Variants in KCNMA1 observed in about 807,000 individuals in gnomAD.
The protein encoded by KCNMA1 is potassium calcium-activated channel subfamily M alpha 1, also known as Calcium-activated potassium channel subunit alpha-1.
A neutral mutation model predicts 140.0 loss-of-function variants in KCNMA1; 29 were observed. The observed-to-expected ratio is 0.21, with a 90% confidence interval of 0.15 to 0.28. KCNMA1 has a LOEUF of 0.28. Among genes scored for constraint, KCNMA1 ranks in the 10% least tolerant of loss-of-function variants. The pLI, the probability that KCNMA1 is intolerant of heterozygous loss-of-function variation, is 1.00. For synonymous variants in KCNMA1, 612 were observed against 611.9 expected (o/e 1.00, Z 0.00); for missense variants, 880 against 1,602.2 (o/e 0.55, Z 7.70).
chr10:77,568,631 C>G (rs966898299), intron 1 of KCNMA1, among the ~76,000 whole-genome samples: 3 of 149,986 alleles, frequency 2.0e-5, no homozygotes, highest in African/African-American at 7.4e-5. Context: ...CAATATCATA[C>G]TGAATGGGCA....
intron 2 of KCNMA1, among the ~76,000 whole-genome samples, chr10:77,293,120 G>C (rs2073863276): frequency 6.6e-6 from 1 of 152,196 alleles, no homozygotes; most frequent in South Asian, 2.1e-4. Flanking sequence ...AGAAGCCAAT[G>C]TGGCCAATGC....
chr10:77,200,123 G>C (rs11002076), intron 3 of KCNMA1, among the ~76,000 whole-genome samples: 1 of 151,952 alleles, frequency 6.6e-6, no homozygotes, highest in Non-Finnish European at 1.5e-5. Flanking sequence ...GCTAATTTTT[G>C]TATTTTTGGT....
intron 1 of KCNMA1, among the ~76,000 whole-genome samples, chr10:77,605,245 C>T (rs927221897): frequency 4.6e-5 from 7 of 152,180 alleles, no homozygotes; most frequent in East Asian, 1.9e-4. Context: ...GGGACTGTCC[C>T]GGATGCCCTC....
At chr10:77,295,128 A>C (rs1436109477) in intron 2 of KCNMA1, among the ~76,000 whole-genome samples, 2 of 151,904 alleles carry the variant, frequency 1.3e-5, no homozygotes, top group African/African-American at 4.8e-5. Context: ...TGGGCAGATC[A>C]CCTGAGGACA....
chr10:77,048,108 C>CAATAAATAAATAAATA (rs60963807), intron 14 of KCNMA1, among the ~76,000 whole-genome samples: 17,402 of 143,456 alleles, frequency 0.12, 1,300 homozygotes, highest in African/African-American at 0.18. Context: ...CATGATGAGA[C>CAATAAATAAATAAATA]AATAAATAAA....
chr10:77,154,873 A>C (rs2098464992), intron 5 of KCNMA1, among the ~76,000 whole-genome samples: 1 of 152,256 alleles, frequency 6.6e-6, no homozygotes, highest in Admixed American at 6.5e-5. Context: ...ATGCTTGTAT[A>C]AATTGCTATA....
chr10:77,014,598 CCT>C (rs1463016677), intron 17 of KCNMA1, among the ~76,000 whole-genome samples: 2 of 152,174 alleles, frequency 1.3e-5, no homozygotes, highest in East Asian at 1.9e-4. Context: ...AACCCCAGCC[CCT>C]GTTAACCACC....
chr10:77,394,139 C>A (rs2095947192), intron 2 of KCNMA1, among the ~76,000 whole-genome samples: 2 of 152,222 alleles, frequency 1.3e-5, no homozygotes, highest in South Asian at 4.1e-4. Context: ...AACAGCCATG[C>A]CAGCACTTGC....
chr10:77,527,226 G>C (rs1314371470), intron 1 of KCNMA1, among the ~76,000 whole-genome samples: 2 of 152,316 alleles, frequency 1.3e-5, no homozygotes, highest in East Asian at 1.9e-4. Context: ...AGCTCCCACA[G>C]GACGAACTGG....
chr10:77,354,771 G>A (rs2093314165), intron 2 of KCNMA1, among the ~76,000 whole-genome samples: 1 of 152,202 alleles, frequency 6.6e-6, no homozygotes, highest in African/African-American at 2.4e-5. Flanking sequence ...AGGTAGTTCA[G>A]TGGCTGAATT....
At chr10:77,040,994 G>GT (rs2094636969) in intron 14 of KCNMA1, among the ~76,000 whole-genome samples, 1 of 151,784 alleles carries the variant, frequency 6.6e-6, no homozygotes, top group African/African-American at 2.4e-5. Flanking sequence ...CTTCTTTTTT[G>GT]TTTTTTTGAG....
chr10:77,476,789 G>A (rs2098289117), intron 1 of KCNMA1, among the ~76,000 whole-genome samples: 1 of 152,094 alleles, frequency 6.6e-6, no homozygotes, highest in Non-Finnish European at 1.5e-5. Flanking sequence ...AAGAGGTCGG[G>A]GCACCTCCTT....
intron 1 of KCNMA1, among the ~76,000 whole-genome samples, chr10:77,469,838 T>C (rs1422478540): frequency 6.6e-6 from 1 of 152,192 alleles, no homozygotes; most frequent in Non-Finnish European, 1.5e-5. Context: ...GGGGAAAAGA[T>C]AGCAATTCAC....
chr10:77,390,431 G>A (rs2095777126), intron 2 of KCNMA1, among the ~76,000 whole-genome samples: 1 of 152,122 alleles, frequency 6.6e-6, no homozygotes, highest in Admixed American at 6.5e-5. Flanking sequence ...GCTTTTTCCT[G>A]GAGAGATCTC....
chr10:77,469,831 G>A (rs2098113839), intron 1 of KCNMA1, among the ~76,000 whole-genome samples: 1 of 152,194 alleles, frequency 6.6e-6, no homozygotes, highest in Non-Finnish European at 1.5e-5. Context: ...ATGGCTGGGG[G>A]AAAAGATAGC....
chr10:77,356,425 A>G (rs1295685719), intron 2 of KCNMA1, among the ~76,000 whole-genome samples: 1 of 152,246 alleles, frequency 6.6e-6, no homozygotes, highest in East Asian at 1.9e-4. Context: ...CCTGGAGGAT[A>G]GAAATAACTT....
chr10:77,635,917 AGGCTCC>A (rs2093680231), intron 1 of KCNMA1: 1 of 161,360 alleles, frequency 6.2e-6, no homozygotes, highest in Admixed American at 5.9e-5. Flanking sequence ...CAGGAGAGAC[AGGCTCC>A]TTCCCCCCTG....
chr10:77,133,253 T>TACA (rs1369015270), intron 5 of KCNMA1, among the ~76,000 whole-genome samples: 1 of 151,678 alleles, frequency 6.6e-6, no homozygotes, highest in Non-Finnish European at 1.5e-5. Flanking sequence ...AAAACATAGT[T>TACA]ACAATAGCAA....
intron 1 of KCNMA1, among the ~76,000 whole-genome samples, chr10:77,506,312 G>A (rs565733406): frequency 2.6e-5 from 4 of 152,196 alleles, no homozygotes; most frequent in African/African-American, 9.6e-5. Flanking sequence ...CACATCTAGG[G>A]GTTCAACCTA....
Sources: gnomAD v4.1 joint callset for allele counts (sites outside exome capture counted in the v4.1 genomes callset) on GRCh38, gnomAD v4.1.1 for gene constraint, MANE v1.5 for transcripts, NCBI Gene and HGNC (gene_info 2026-07-23, HGNC 2026-07-21) for gene names.